The following MGMT variants were observed in gnomAD, a reference collection of about 807,000 sequenced individuals.
MGMT encodes the protein methylated-DNA--protein-cysteine methyltransferase.
Under a neutral mutation model 15.9 loss-of-function variants are expected in MGMT, and 14 were observed. The observed-to-expected ratio is 0.88, with a 90% CI of 0.58 to 1.37. MGMT has a LOEUF of 1.37. Ranked by LOEUF, MGMT falls within the 40% of genes most tolerant of loss-of-function variation. The pLI is 0.00. For missense variants in MGMT, 282 were observed against 268.1 expected, an observed-to-expected ratio of 1.05 and a Z score of -0.36; for synonymous variants, 130 against 118.2, an observed-to-expected ratio of 1.10 and a Z score of -0.65.
At chr10:129,738,075 G>A (rs1848585521) in intron 3 of MGMT, among the ~76,000 whole-genome samples, 1 of 152,228 alleles carries the variant, frequency 6.6e-6, no homozygotes, top group Admixed American at 6.5e-5. Flanking sequence ...GCTGTGGTGG[G>A]CTCCACCCAG....
intron 2 of MGMT, among the ~76,000 whole-genome samples, chr10:129,610,883 C>T (rs1236148666): frequency 6.6e-6 from 1 of 152,172 alleles, no homozygotes; most frequent in Non-Finnish European, 1.5e-5. Context: ...CTGCTGTATC[C>T]CTAGAGCCTA....
intron 2 of MGMT, among the ~76,000 whole-genome samples, chr10:129,595,676 G>A (rs1846743137): frequency 6.6e-6 from 1 of 152,172 alleles, no homozygotes; most frequent in Non-Finnish European, 1.5e-5. Context: ...GTCCCTCCTT[G>A]TGAGTAGGAG....
chr10:129,516,099 T>C (rs899638435), intron 1 of MGMT, among the ~76,000 whole-genome samples: 1 of 152,148 alleles, frequency 6.6e-6, no homozygotes, highest in Non-Finnish European at 1.5e-5. Flanking sequence ...ATGACAGTTT[T>C]TATATTAGTT....
At chr10:129,517,376 G>A (rs1564840019) in intron 1 of MGMT, among the ~76,000 whole-genome samples, 1 of 152,190 alleles carries the variant, frequency 6.6e-6, no homozygotes, top group Non-Finnish European at 1.5e-5. Flanking sequence ...TCGCCTCCCT[G>A]CCCCACCTCA....
At position 129,768,633 on chromosome 10, in the gene MGMT, C is replaced by G. The variant is rs952500228; in HGVS notation, c.*1636C>G. ...GGCACGGCTTTCCCCTCTGCATGAACAGAACAGAAGCTTCTGGCTCTCCAA... is the reference window on the plus strand; with the variant it reads ...GGCACGGCTTTCCCCTCTGCATGAAGAGAACAGAAGCTTCTGGCTCTCCAA... On this transcript the variant is annotated 3_prime_UTR_variant, in exon 5 of 5. Coordinates refer to ENST00000651593, the MANE Select transcript of MGMT (RefSeq NM_002412.5). Among the ~76,000 whole-genome samples the G allele has an allele frequency of 6.6e-5, 10 of 152,236 alleles. No individual in the cohort carries two copies. Among genetic ancestry groups the G allele is most frequent in the Admixed American group, 6.5e-4 (10 of 15,292 alleles).
At chr10:129,687,843 C>G (rs535175761) in intron 2 of MGMT, among the ~76,000 whole-genome samples, 6 of 152,058 alleles carry the variant, frequency 3.9e-5, no homozygotes, top group Non-Finnish European at 7.4e-5. Context: ...GCTATCCCTC[C>G]CCCAGCCCCC....
chr10:129,639,404 A>G (rs1157959732), intron 2 of MGMT, among the ~76,000 whole-genome samples: 3 of 152,218 alleles, frequency 2.0e-5, no homozygotes, highest in African/African-American at 4.8e-5. Flanking sequence ...GGAGAAATAG[A>G]TAAGTCCACA....
At chr10:129,682,328 A>G (rs1451781479) in intron 2 of MGMT, among the ~76,000 whole-genome samples, 1 of 152,158 alleles carries the variant, frequency 6.6e-6, no homozygotes, top group African/African-American at 2.4e-5. Context: ...AAAAGCAGCC[A>G]ACTATTGATA....
intron 4 of MGMT, among the ~76,000 whole-genome samples, chr10:129,761,901 A>T (rs1848878316): frequency 1.3e-5 from 2 of 152,316 alleles, no homozygotes; most frequent in African/African-American, 4.8e-5. Context: ...GTACCCACAG[A>T]CGCCTCAAAT....
rs2020893 is a variant in MGMT, at chr10:129,536,340, G to A, written c.88G>A (p.Glu30Lys). Residue 30 changes from glutamate (E) to lysine (K), a missense_variant, in exon 2 of 5, where the codon GAA becomes AAA. Transcript: ENST00000651593. ...ELSGCEQGLH[E>K]IKLLGKGTSA... ...GTCTGGTTGTGAGCAGGGTCTGCAC[G>A]AAATAAAGCTCCTGGGCAAGGGGAC... The A allele has an allele frequency of 5.5e-4, 887 of 1,614,056 alleles. 4 individuals carry two copies. In the African/African-American group the frequency reaches 0.01, roughly 19 times the overall value.
intron 4 of MGMT, among the ~76,000 whole-genome samples, chr10:129,761,689 T>C (rs1425024073): frequency 2.6e-5 from 4 of 152,230 alleles, no homozygotes; most frequent in African/African-American, 9.6e-5. Context: ...CCCTGTCCCA[T>C]GGCAAAGCCA....
intron 2 of MGMT, among the ~76,000 whole-genome samples, chr10:129,692,601 T>A (rs1847982122): frequency 6.6e-6 from 1 of 152,164 alleles, no homozygotes; most frequent in African/African-American, 2.4e-5. Context: ...TGACGTGGAA[T>A]GCCCCATCGT....
intron 3 of MGMT, among the ~76,000 whole-genome samples, chr10:129,749,153 C>G (rs1176978507): frequency 6.6e-6 from 1 of 152,150 alleles, no homozygotes; most frequent in African/African-American, 2.4e-5. Flanking sequence ...AATTTACATA[C>G]ATTGCTTAGA....
At chr10:129,481,156 G>T (rs969867626) in intron 1 of MGMT, among the ~76,000 whole-genome samples, 1 of 152,212 alleles carries the variant, frequency 6.6e-6, no homozygotes, top group Non-Finnish European at 1.5e-5. Flanking sequence ...CATGGCTTCT[G>T]TGTTGTCTTT....
intron 2 of MGMT, among the ~76,000 whole-genome samples, chr10:129,564,974 C>T (rs966739736): frequency 1.3e-5 from 2 of 152,194 alleles, no homozygotes; most frequent in Admixed American, 6.5e-5. Flanking sequence ...CACTCATCTG[C>T]AGGCTGCCTT....
At position 129,723,005 on chromosome 10, in the gene MGMT, C is replaced by CAAAA. The variant is rs3039560; in HGVS notation, c.274+14985_274+14988dup. Among the ~76,000 whole-genome samples the CAAAA allele has an allele frequency of 7.1e-4, 43 of 60,270 alleles. 2 individuals are homozygous for CAAAA. Among genetic ancestry groups the CAAAA allele is most frequent in the African/African-American group, 2.2e-3 (33 of 15,016 alleles). The allele number at this position is 60,270 out of a possible 152,430, so 39.5% of individuals were successfully genotyped here. On this transcript the variant is annotated intron_variant, in intron 3 of 4. Transcript: ENST00000651593. ...TGGGTGACAGAGGAAGACTCTATCA[C>CAAAA]AAAAAAAAAAAAAAAAAAAAAAAAA... is the stretch of plus-strand genomic sequence containing the variant.
At chr10:129,757,311 A>G (rs1311662920) in intron 3 of MGMT, among the ~76,000 whole-genome samples, 1 of 152,232 alleles carries the variant, frequency 6.6e-6, no homozygotes, top group Non-Finnish European at 1.5e-5. Flanking sequence ...TTGTCAGAGC[A>G]GCACTCAAGG....
chr10:129,718,289 G>T (rs770655258), intron 3 of MGMT, among the ~76,000 whole-genome samples: 1 of 152,214 alleles, frequency 6.6e-6, no homozygotes, highest in African/African-American at 2.4e-5. Flanking sequence ...AGGCAGTGGC[G>T]CTTCGGGCTA....
At chr10:129,639,088 T>C (rs59574142) in intron 2 of MGMT, among the ~76,000 whole-genome samples, 1,673 of 152,238 alleles carry the variant, frequency 0.011, 35 homozygotes, top group African/African-American at 0.037. Flanking sequence ...CATTTTAAGT[T>C]AGAAAATGAA....
Sources: allele counts gnomAD v4.1 joint callset (sites outside exome capture counted in the v4.1 genomes callset), GRCh38; gene constraint gnomAD v4.1.1; transcripts MANE v1.5; gene names NCBI Gene and HGNC (gene_info 2026-07-23, HGNC 2026-07-21).